MITF: variants seen among roughly 807,000 people sequenced by gnomAD.
MITF encodes melanocyte inducing transcription factor.
MITF carries 17 observed loss-of-function variants against 60.5 expected under a neutral mutation model. The observed-to-expected ratio is 0.28, with a 90% CI of 0.19 to 0.42. The LOEUF (loss-of-function observed/expected upper bound fraction) is 0.42. Among genes scored for constraint, MITF ranks in the 10% least tolerant of loss-of-function variants. The pLI is 1.00. For synonymous variants in MITF, 260 were observed against 248.5 expected (o/e 1.05, Z -0.43); for missense variants, 622 against 683.5 (o/e 0.91, Z 1.00).
chr3:69,831,554 G>A (rs1424237055), intron 1 of MITF, among the ~76,000 whole-genome samples: 1 of 152,114 alleles, frequency 6.6e-6, no homozygotes, highest in Non-Finnish European at 1.5e-5. Context: ...TTCTATATAT[G>A]GATTTCACAA....
At position 69,964,889 on chromosome 3, in the gene MITF, C is replaced by G. The variant is rs199992377; in HGVS notation, c.1222C>G (p.Pro408Ala). ...TCGAGCTCATGGACTTTCCCTTATT[C>G]CATCCACGGGTCTCTGCTCTCCAGA... ...QARAHGLSLI[P>A]STGLCSPDLV... Residue 408 changes from proline to alanine, a missense_variant, in exon 10 of 10, where the codon CCA becomes GCA. Pro to Ala is a conservative substitution (Grantham distance 27). Around this residue, in one of 5 missense-constraint regions of MITF, gnomAD observed 224 missense variants for 209.5 expected, o/e 1.07. Transcript: ENST00000352241. 9.9e-6 allele frequency: 16 copies of G among 1,614,076 alleles called. No homozygotes were observed. In the East Asian group the frequency reaches 3.3e-4, roughly 34 times the overall value.
chr3:69,755,001 G>C (rs1704080160), intron 1 of MITF, among the ~76,000 whole-genome samples: 1 of 152,110 alleles, frequency 6.6e-6, no homozygotes, highest in Non-Finnish European at 1.5e-5. Flanking sequence ...TTTAAGTTAG[G>C]TAATCAGCAT....
intron 1 of MITF, among the ~76,000 whole-genome samples, chr3:69,810,548 C>T (rs1048071544): frequency 2.0e-5 from 3 of 152,216 alleles, no homozygotes; most frequent in Non-Finnish European, 4.4e-5. Context: ...GATCTTTTAT[C>T]AAAAGATCAG....
chr3:69,884,036 C>G (rs1188583669), intron 2 of MITF, among the ~76,000 whole-genome samples: 3 of 152,132 alleles, frequency 2.0e-5, no homozygotes, highest in Non-Finnish European at 4.4e-5. Flanking sequence ...TCCCAGAAAC[C>G]TCATTTCCCT....
chr3:69,817,383 T>C (rs2063197862), intron 1 of MITF, among the ~76,000 whole-genome samples: 2 of 152,208 alleles, frequency 1.3e-5, no homozygotes, highest in Admixed American at 6.5e-5. Flanking sequence ...TTCTCATTAG[T>C]ACTAGTGTAC....
intron 1 of MITF, among the ~76,000 whole-genome samples, chr3:69,796,630 C>T (rs1228209748): frequency 6.6e-6 from 1 of 151,004 alleles, no homozygotes; most frequent in Non-Finnish European, 1.5e-5. Flanking sequence ...CCTCAGCCTC[C>T]CAAGTAGCTG....
At chr3:69,861,651 G>C (rs2107213593) in intron 1 of MITF, among the ~76,000 whole-genome samples, 1 of 152,244 alleles carries the variant, frequency 6.6e-6, no homozygotes, top group East Asian at 1.9e-4. Context: ...GGGTTTCTCT[G>C]GAGTGAACGC....
chr3:69,844,395 T>C (rs764256496), intron 1 of MITF, among the ~76,000 whole-genome samples: 21 of 152,020 alleles, frequency 1.4e-4, no homozygotes, highest in Non-Finnish European at 2.6e-4. Flanking sequence ...TAATAAATGG[T>C]TTTGGGAGAA....
chr3:69,772,076 G>A (rs913470042), intron 1 of MITF, among the ~76,000 whole-genome samples: 1 of 152,150 alleles, frequency 6.6e-6, no homozygotes, highest in African/African-American at 2.4e-5. Context: ...GCTATTTCAG[G>A]TACTGGTGGG....
chr3:69,849,087 C>T (rs963771151), intron 1 of MITF, among the ~76,000 whole-genome samples: 9 of 149,438 alleles, frequency 6.0e-5, no homozygotes, highest in African/African-American at 2.2e-4. Context: ...GCCTCAGCCT[C>T]CCAAGTAGCT....
At chr3:69,950,477 T>C (rs556936942) in intron 6 of MITF, among the ~76,000 whole-genome samples, 1,606 of 128,630 alleles carry the variant, frequency 0.012, 25 homozygotes, top group African/African-American at 0.045. Context: ...TATATATATA[T>C]GCACACACAT....
chr3:69,840,243 C>G (rs1316937299), intron 1 of MITF, among the ~76,000 whole-genome samples: 1 of 152,136 alleles, frequency 6.6e-6, no homozygotes, highest in Non-Finnish European at 1.5e-5. Flanking sequence ...TGCTTTCACC[C>G]CTTCTCAAAA....
chr3:69,818,518 C>T (rs960734947), intron 1 of MITF, among the ~76,000 whole-genome samples: 9 of 152,260 alleles, frequency 5.9e-5, no homozygotes, highest in Admixed American at 5.9e-4. Flanking sequence ...ATGCTCATAT[C>T]CTCACTGTTA....
chr3:69,850,475 C>A (rs1202143854), intron 1 of MITF, among the ~76,000 whole-genome samples: 8 of 138,634 alleles, frequency 5.8e-5, no homozygotes, highest in Non-Finnish European at 1.3e-4. Context: ...ACATAGCATA[C>A]CTTCCATAAT....
Position 69,951,903 on chromosome 3 carries a change from T to G in MITF, c.955+17T>G. The stretch of plus-strand genomic sequence containing the variant: ...ACAACCTGAGTAAGTTGGTTTTATT[T>G]ATGTTCATGACATTTGATATTAATG... On this transcript the variant is annotated intron_variant, in intron 7 of 9. Transcript: ENST00000352241. The G allele has an allele frequency of 6.3e-7, 1 of 1,582,370 alleles. No individual in the cohort carries two copies. Among genetic ancestry groups the G allele is most frequent in the Non-Finnish European group, 8.7e-7 (1 of 1,151,834 alleles).
intron 2 of MITF, among the ~76,000 whole-genome samples, chr3:69,928,203 A>G (rs1468965424): frequency 6.6e-6 from 1 of 152,218 alleles, no homozygotes; most frequent in Non-Finnish European, 1.5e-5. Context: ...GTATCTGATC[A>G]TCTCCTTAGA....
intron 2 of MITF, among the ~76,000 whole-genome samples, chr3:69,898,977 G>A (rs2064938114): frequency 6.6e-6 from 1 of 152,158 alleles, no homozygotes; most frequent in Non-Finnish European, 1.5e-5. Context: ...AGAGAGGTGG[G>A]TACTTAGTCA....
rs2107276302 is a variant in MITF at position 69,879,188 on chromosome 3, G to T, written c.159G>T (p.Met53Ile). The change falls in exon 2 of 10, where the codon ATG becomes ATT. Residue 53 changes from methionine (M) to isoleucine (I), a missense_variant. Coordinates refer to ENST00000352241, the MANE Select transcript of MITF (RefSeq NM_001354604.2). ...ASKPPISSSS[M>I]TSRILLRQQL... ...AGCCTCCGATAAGCTCCTCCAGTATGACATCACGCATCTTGCTACGCCAGC... is the reference window on the plus strand; with the variant it reads ...AGCCTCCGATAAGCTCCTCCAGTATTACATCACGCATCTTGCTACGCCAGC... The T allele has an allele frequency of 6.2e-7, 1 of 1,614,236 alleles. No individual in the cohort carries two copies. The highest frequency in any genetic ancestry group is 1.1e-5 in the South Asian group (1 of 91,076).
chr3:69,749,202 G>T (rs1703839172), intron 1 of MITF, among the ~76,000 whole-genome samples: 1 of 152,192 alleles, frequency 6.6e-6, no homozygotes, highest in African/African-American at 2.4e-5. Flanking sequence ...CTTGCCTGCA[G>T]TGTGTCCTAA....
Sources: gnomAD v4.1 joint callset for allele counts (sites outside exome capture counted in the v4.1 genomes callset) on GRCh38, gnomAD v4.1.1 for gene constraint, gnomAD v4.1.1 regional missense constraint, MANE v1.5 for transcripts, NCBI Gene and HGNC (gene_info 2026-07-23, HGNC 2026-07-21) for gene names.